The following LNP1 variants were observed in gnomAD, a reference collection of about 807,000 sequenced individuals.
LNP1 encodes leukemia NUP98 fusion partner 1.
LNP1 carries 12 observed loss-of-function variants against 14.5 expected under a neutral mutation model. That is an observed-to-expected ratio of 0.83 (90% confidence interval 0.53 to 1.34). The LOEUF (loss-of-function observed/expected upper bound fraction) is 1.34. Ranked by LOEUF, LNP1 falls within the 40% of genes most tolerant of loss-of-function variation. LNP1 has a pLI of 0.00. For missense variants in LNP1, 198 were observed against 210.9 expected, an observed-to-expected ratio of 0.94 and a Z score of 0.38; for synonymous variants, 75 against 71.4, an observed-to-expected ratio of 1.05 and a Z score of -0.26.
chr3:100,442,781 T>G (rs1054511632), intron 2 of LNP1, among the ~76,000 whole-genome samples: 1 of 152,188 alleles, frequency 6.6e-6, no homozygotes, highest in African/African-American at 2.4e-5. Context: ...TTTTTAAAAA[T>G]AAAATCTTTT....
chr3:100,409,247 C>T (rs1323825594), intron 1 of LNP1, among the ~76,000 whole-genome samples: 1 of 152,114 alleles, frequency 6.6e-6, no homozygotes, highest in East Asian at 1.9e-4. Context: ...AATATCAGCT[C>T]TTCTTAGGTG....
intron 1 of LNP1, among the ~76,000 whole-genome samples, chr3:100,412,089 TGCTGAGAAGTATGGCGCTG>T (rs1707036888): frequency 1.3e-5 from 2 of 152,196 alleles, no homozygotes; most frequent in African/African-American, 4.8e-5. Flanking sequence ...TGGTTCTGCA[TGCTGAGAAGTATGGCGCTG>T]GCATCTGTTT....
At chr3:100,409,701 G>A (rs1003315379) in intron 1 of LNP1, among the ~76,000 whole-genome samples, 2 of 150,050 alleles carry the variant, frequency 1.3e-5, no homozygotes, top group African/African-American at 4.9e-5. Flanking sequence ...GGGTTCAAGC[G>A]ATTCTGCCTT....
intron 1 of LNP1, among the ~76,000 whole-genome samples, chr3:100,422,481 A>T (rs1707153199): frequency 6.6e-6 from 1 of 152,156 alleles, no homozygotes; most frequent in Non-Finnish European, 1.5e-5. Flanking sequence ...TAACAGTAGT[A>T]GCTCGTCTGT....
intron 2 of LNP1, among the ~76,000 whole-genome samples, chr3:100,430,697 C>T (rs188093789): frequency 8.5e-5 from 13 of 152,310 alleles, no homozygotes; most frequent in South Asian, 4.2e-4. Context: ...TTGCCAACCC[C>T]GGAACCAAGT....
rs76854135 is a variant in LNP1 at position 100,427,765 on chromosome 3, G to A, written c.-33-1932G>A. On this transcript the variant is annotated intron_variant, in intron 1 of 3. Transcript: ENST00000383693. ...TGGGGTACAGTCTGGAGGAAATTAG[G>A]CACACTCTTCCAAAAAGTCTTGTTC... Among the ~76,000 whole-genome samples the A allele has an allele frequency of 5.4e-3, 825 of 152,260 alleles. 9 individuals are homozygous for A. Among genetic ancestry groups the A allele is most frequent in the African/African-American group, 0.018 (762 of 41,542 alleles).
At position 100,455,988 on chromosome 3, in the gene LNP1, A is replaced by G; in HGVS notation, c.*62A>G. 6.5e-7 allele frequency: 1 copy of G among 1,539,476 alleles called. No individual in the cohort carries two copies. The highest frequency in any genetic ancestry group is 8.8e-7 in the Non-Finnish European group (1 of 1,140,874). ...TTTTGGTTTTTTTCTTTGAGCCCCA[A>G]TTCACCATTTCAGGATGTGGATGGG... On this transcript the variant is annotated 3_prime_UTR_variant, in exon 4 of 4. Transcript: ENST00000383693.
chr3:100,429,659 C>T (rs1444158304), intron 1 of LNP1, 38 bp from the exon 2 acceptor site: 4 of 1,366,024 alleles, frequency 2.9e-6, no homozygotes, highest in African/African-American at 1.5e-5. Flanking sequence ...GTTTCATTGT[C>T]AGCCCTGTTG....
At chr3:100,452,820 A>T (rs1707472809) in intron 3 of LNP1, among the ~76,000 whole-genome samples, 1 of 152,248 alleles carries the variant, frequency 6.6e-6, no homozygotes, top group Non-Finnish European at 1.5e-5. Flanking sequence ...TCCACTGGTG[A>T]TGCTAAACTT....
intron 2 of LNP1, among the ~76,000 whole-genome samples, chr3:100,434,831 CTTT>C (rs57009371): frequency 1.1e-4 from 16 of 140,378 alleles, no homozygotes; most frequent in Non-Finnish European, 7.7e-5. Context: ...ACCCGGCTGT[CTTT>C]TTTTTTTTTT....
Position 100,406,679 on chromosome 3 carries a change from T to C in LNP1, c.-34+4240T>C, listed in dbSNP as rs371113730. ...CCTCCCAAGTAGCTGGAATTACAGG[T>C]GCCCGCCACCATGCCTGGCTAATTT... On this transcript the variant is annotated intron_variant, in intron 1 of 3. Coordinates refer to ENST00000383693, the MANE Select transcript of LNP1 (RefSeq NM_001085451.2). Among the ~76,000 whole-genome samples, 134 of 152,024 alleles carry C rather than the reference T, an allele frequency of 8.8e-4. 2 individuals carry two copies. In the East Asian group the frequency reaches 0.023, roughly 26 times the overall value.
chr3:100,437,855 A>G (rs943353353), intron 2 of LNP1, among the ~76,000 whole-genome samples: 1 of 152,226 alleles, frequency 6.6e-6, no homozygotes, highest in Non-Finnish European at 1.5e-5. Flanking sequence ...AAGATAAAGG[A>G]TTTAATACTG....
chr3:100,416,454 T>C (rs1241686850), intron 1 of LNP1, among the ~76,000 whole-genome samples: 3 of 152,160 alleles, frequency 2.0e-5, no homozygotes, highest in African/African-American at 7.2e-5. Flanking sequence ...TAATCTTTTG[T>C]TGCTGCTGCT....
chr3:100,423,564 C>A (rs774143004), intron 1 of LNP1, among the ~76,000 whole-genome samples: 54 of 152,142 alleles, frequency 3.5e-4, no homozygotes, highest in Non-Finnish European at 6.9e-4. Flanking sequence ...CACTGAGAAA[C>A]CACTTGACAG....
At chr3:100,438,936 A>G (rs558196171) in intron 2 of LNP1, among the ~76,000 whole-genome samples, 5 of 152,208 alleles carry the variant, frequency 3.3e-5, no homozygotes, top group Middle Eastern at 3.2e-3. Flanking sequence ...ATTACCTTAG[A>G]AGGGCATATA....
At chr3:100,422,830 T>G (rs1397679505) in intron 1 of LNP1, among the ~76,000 whole-genome samples, 8 of 117,608 alleles carry the variant, frequency 6.8e-5, no homozygotes, top group African/African-American at 2.3e-4. Context: ...TTTTTTTTTT[T>G]GCACCACTAG....
At chr3:100,441,045 A>G (rs1365381745) in intron 2 of LNP1, among the ~76,000 whole-genome samples, 1 of 152,194 alleles carries the variant, frequency 6.6e-6, no homozygotes, top group African/African-American at 2.4e-5. Flanking sequence ...AAAGAGATCA[A>G]AGACCAGTGA....
chr3:100,440,239 A>T (rs1273951030), intron 2 of LNP1, among the ~76,000 whole-genome samples: 1 of 152,224 alleles, frequency 6.6e-6, no homozygotes, highest in East Asian at 1.9e-4. Context: ...TTAAAGCCCT[A>T]TAGCTAAGTG....
chr3:100,454,684 GC>G (rs1408736184), intron 3 of LNP1, among the ~76,000 whole-genome samples: 5 of 152,104 alleles, frequency 3.3e-5, no homozygotes, highest in Non-Finnish European at 2.9e-5. Context: ...TTATTTACAA[GC>G]ATTTCTCAGA....
Sources: allele counts gnomAD v4.1 joint callset (sites outside exome capture counted in the v4.1 genomes callset), GRCh38; gene constraint gnomAD v4.1.1; transcripts MANE v1.5; gene names NCBI Gene and HGNC (gene_info 2026-07-23, HGNC 2026-07-21).